The following SLC25A12 variants were observed in gnomAD, a reference collection of about 807,000 sequenced individuals.
The protein encoded by SLC25A12 is electrogenic aspartate/glutamate antiporter SLC25A12, mitochondrial.
In SLC25A12, 32 loss-of-function variants were observed where a neutral mutation model predicts 83.3. That is an observed-to-expected ratio of 0.38 (90% CI 0.29 to 0.52). The LOEUF (loss-of-function observed/expected upper bound fraction) is 0.52, where lower values mean the gene tolerates loss of function less well. Among genes scored for constraint, SLC25A12 ranks in the 20% least tolerant of loss-of-function variants. The pLI, the probability that SLC25A12 is intolerant of heterozygous loss-of-function variation, is 0.84. For missense variants in SLC25A12, 611 were observed against 835.6 expected (o/e 0.73, Z 3.31); for synonymous variants, 267 against 291.1 (o/e 0.92, Z 0.84).
At chr2:171,857,503 G>A (rs1054759783) in intron 3 of SLC25A12, among the ~76,000 whole-genome samples, 67 of 152,154 alleles carry the variant, frequency 4.4e-4, no homozygotes, top group African/African-American at 9.2e-4. Flanking sequence ...TAGGCAATAT[G>A]GTGAAACCCC....
intron 12 of SLC25A12, 22 bp from the exon 13 acceptor site, chr2:171,809,708 GT>G (rs1229738849): frequency 6.3e-7 from 1 of 1,575,464 alleles, no homozygotes; most frequent in South Asian, 1.1e-5. Context: ...GACAACATCA[GT>G]TAACCAAAAT....
chr2:171,891,063 T>C (rs192651727), intron 2 of SLC25A12, among the ~76,000 whole-genome samples: 1 of 152,240 alleles, frequency 6.6e-6, no homozygotes, highest in African/African-American at 2.4e-5. Flanking sequence ...TCCCAGCACT[T>C]TGGGAGGCTG....
At chr2:171,828,078 C>T (rs1366286416) in intron 8 of SLC25A12, among the ~76,000 whole-genome samples, 1 of 152,202 alleles carries the variant, frequency 6.6e-6, no homozygotes, top group Non-Finnish European at 1.5e-5. Flanking sequence ...GTGGAAGCAC[C>T]TGACCACCAT....
chr2:171,815,583 TTAAC>T (rs199547331), intron 9 of SLC25A12, among the ~76,000 whole-genome samples: 165 of 152,320 alleles, frequency 1.1e-3, no homozygotes, highest in Middle Eastern at 3.4e-3. Flanking sequence ...TTTTCCTTCT[TTAAC>T]TAACTTAAAA....
chr2:171,889,420 A>G (rs776985984), intron 2 of SLC25A12, among the ~76,000 whole-genome samples: 13 of 152,134 alleles, frequency 8.5e-5, no homozygotes, highest in Non-Finnish European at 1.6e-4. Flanking sequence ...CCAGCCATCA[A>G]CCACTCTAGG....
chr2:171,853,216 G>A (rs934046925), intron 4 of SLC25A12, among the ~76,000 whole-genome samples: 3 of 152,108 alleles, frequency 2.0e-5, no homozygotes, highest in Non-Finnish European at 4.4e-5. Context: ...CCTGTCTCTA[G>A]ATTATGGAGG....
chr2:171,815,025 G>A, intron 10 of SLC25A12, 96 bp downstream of exon 10: 2 of 987,256 alleles, frequency 2.0e-6, no homozygotes, highest in Non-Finnish European at 3.3e-6. Flanking sequence ...GTGACCCATG[G>A]GAACAATGAA....
At chr2:171,801,115 A>C (rs1406827355) in intron 13 of SLC25A12, among the ~76,000 whole-genome samples, 1 of 152,194 alleles carries the variant, frequency 6.6e-6, no homozygotes, top group African/African-American at 2.4e-5. Flanking sequence ...AAATATGTAA[A>C]TATGTCATAT....
At chr2:171,884,532 G>A (rs1409632312) in intron 2 of SLC25A12, among the ~76,000 whole-genome samples, 1 of 151,740 alleles carries the variant, frequency 6.6e-6, no homozygotes, top group Admixed American at 6.6e-5. Context: ...CACTTTGGGA[G>A]GCCGAGGCAG....
intron 4 of SLC25A12, among the ~76,000 whole-genome samples, chr2:171,853,541 C>T (rs934099646): frequency 5.3e-5 from 8 of 152,084 alleles, no homozygotes; most frequent in Non-Finnish European, 7.3e-5. Context: ...ATTAGCGAGG[C>T]GTGGTGACAG....
At chr2:171,870,700 T>C (rs1685440108) in intron 2 of SLC25A12, among the ~76,000 whole-genome samples, 1 of 152,184 alleles carries the variant, frequency 6.6e-6, no homozygotes, top group Non-Finnish European at 1.5e-5. Context: ...CAGCTACTAT[T>C]ACAGAAAGTC....
chr2:171,802,609 T>C (rs1683732326), intron 13 of SLC25A12, among the ~76,000 whole-genome samples: 1 of 152,022 alleles, frequency 6.6e-6, no homozygotes, highest in Non-Finnish European at 1.5e-5. Flanking sequence ...ACCCCGTCTC[T>C]ACTAAAAATA....
chr2:171,884,884 T>C (rs1298931720), intron 2 of SLC25A12, among the ~76,000 whole-genome samples: 1 of 152,022 alleles, frequency 6.6e-6, no homozygotes, highest in African/African-American at 2.4e-5. Flanking sequence ...TAGAACCTAG[T>C]ACAGTGCTTA....
At chr2:171,843,166 C>T (rs1294581749) in intron 5 of SLC25A12, among the ~76,000 whole-genome samples, 1 of 151,966 alleles carries the variant, frequency 6.6e-6, no homozygotes, top group Non-Finnish European at 1.5e-5. Flanking sequence ...AATTTTACCT[C>T]AAATTTTTTT....
intron 8 of SLC25A12, among the ~76,000 whole-genome samples, chr2:171,833,237 G>T (rs1330091786): frequency 6.6e-6 from 1 of 152,056 alleles, no homozygotes; most frequent in Non-Finnish European, 1.5e-5. Flanking sequence ...CAATAGGTAG[G>T]GACTGTGCCC....
At chr2:171,861,775 A>G (rs1009943947) in intron 3 of SLC25A12, among the ~76,000 whole-genome samples, 3 of 152,146 alleles carry the variant, frequency 2.0e-5, no homozygotes, top group Non-Finnish European at 2.9e-5. Flanking sequence ...AGAAGGGCCC[A>G]ATCAAGACTT....
chr2:171,876,147 AATG>A (rs1685565395), intron 2 of SLC25A12, among the ~76,000 whole-genome samples: 1 of 152,102 alleles, frequency 6.6e-6, no homozygotes, highest in South Asian at 2.1e-4. Flanking sequence ...TGGGGTTATA[AATG>A]ATGCCAAAGA....
chr2:171,870,910 A>G (rs369935823), intron 2 of SLC25A12, among the ~76,000 whole-genome samples: 2 of 152,172 alleles, frequency 1.3e-5, no homozygotes, highest in East Asian at 3.9e-4. Context: ...TGTTCTTTCA[A>G]TAAGAAAAGA....
intron 9 of SLC25A12, among the ~76,000 whole-genome samples, chr2:171,825,657 A>G (rs1310306021): frequency 6.6e-6 from 1 of 152,040 alleles, no homozygotes; most frequent in Non-Finnish European, 1.5e-5. Flanking sequence ...ACACTCTCCT[A>G]GAGAATTATG....
Sources: gnomAD v4.1 joint callset for allele counts (sites outside exome capture counted in the v4.1 genomes callset) on GRCh38, gnomAD v4.1.1 for gene constraint, MANE v1.5 for transcripts, NCBI Gene and HGNC (gene_info 2026-07-23, HGNC 2026-07-21) for gene names.